PDZRN4: variants seen among roughly 807,000 people sequenced by gnomAD.
PDZRN4 encodes the protein PDZ domain containing ring finger 4, also known as PDZ domain-containing RING finger protein 4.
PDZRN4 carries 70 observed loss-of-function variants against 99.0 expected under a neutral mutation model. The observed-to-expected ratio is 0.71, with a 90% confidence interval of 0.58 to 0.86. The LOEUF (loss-of-function observed/expected upper bound fraction) is 0.86. PDZRN4 is among the 40% of genes least tolerant of loss of function. PDZRN4 has a pLI of 0.00. For missense variants in PDZRN4, 1,474 were observed against 1,331.2 expected (o/e 1.11, Z -1.67); for synonymous variants, 551 against 501.6 (o/e 1.10, Z -1.32).
chr12:41,406,706 C>T (rs11829887), intron 3 of PDZRN4, among the ~76,000 whole-genome samples: 98 of 151,796 alleles, frequency 6.5e-4, no homozygotes, highest in African/African-American at 2.3e-3. Flanking sequence ...CCAGCCAGAC[C>T]AACATAGCAA....
intron 3 of PDZRN4, among the ~76,000 whole-genome samples, chr12:41,227,044 C>T (rs976763878): frequency 1.3e-5 from 2 of 152,010 alleles, no homozygotes; most frequent in Non-Finnish European, 2.9e-5. Context: ...TTTTCCCTAT[C>T]CAAATTGGTA....
At chr12:41,194,601 T>C (rs936705610) in intron 3 of PDZRN4, among the ~76,000 whole-genome samples, 4 of 152,216 alleles carry the variant, frequency 2.6e-5, no homozygotes, top group African/African-American at 9.6e-5. Context: ...GAGCTGTGTG[T>C]AGGCCACTGC....
intron 5 of PDZRN4, among the ~76,000 whole-genome samples, chr12:41,525,431 G>C (rs1592097111): frequency 6.6e-6 from 1 of 152,086 alleles, no homozygotes; most frequent in East Asian, 1.9e-4. Context: ...TACTTCATAG[G>C]ATTATATGAG....
chr12:41,371,577 C>G (rs527512602), intron 3 of PDZRN4, among the ~76,000 whole-genome samples: 1 of 152,178 alleles, frequency 6.6e-6, no homozygotes, highest in East Asian at 1.9e-4. Flanking sequence ...AAAAACTAAA[C>G]AACAACAAAT....
chr12:41,452,676 AT>A (rs1219656388), intron 3 of PDZRN4, among the ~76,000 whole-genome samples: 22 of 152,246 alleles, frequency 1.4e-4, no homozygotes, highest in South Asian at 2.1e-4. Context: ...AATACATTTA[AT>A]TTTTTTAATT....
Position 41,191,196 on chromosome 12 carries a change from C to T in PDZRN4, c.649-262C>T, listed in dbSNP as rs534692155. ...TACTGCATTAGGATAAAAGAGCTTC[C>T]TGTCTCAAAATGCAAAGCCATTTAG... On this transcript the variant is annotated intron_variant, in intron 1 of 9. Transcript: ENST00000402685. 2.0e-5 allele frequency among the ~76,000 whole-genome samples: 3 copies of T among 152,254 alleles called. No homozygotes were observed. In the South Asian group the frequency reaches 6.2e-4, roughly 32 times the overall value.
At chr12:41,521,988 C>G (rs1008686488) in intron 5 of PDZRN4, among the ~76,000 whole-genome samples, 6 of 152,088 alleles carry the variant, frequency 3.9e-5, no homozygotes, top group Non-Finnish European at 5.9e-5. Flanking sequence ...TTATGAGTAA[C>G]TAGAGGATCC....
At position 41,567,872 on chromosome 12, in the gene PDZRN4, G is replaced by A. The variant is rs776787774; in HGVS notation, c.1557G>A (p.Met519Ile). The A allele has an allele frequency of 1.9e-6, 3 of 1,610,990 alleles. No individual in the cohort carries two copies. In the South Asian group the frequency reaches 3.3e-5, roughly 18 times the overall value. The change falls in exon 9 of 10, where the codon ATG (methionine) becomes ATA (isoleucine). Residue 519 changes from methionine (M) to isoleucine (I), a missense_variant. Coordinates refer to ENST00000402685, the MANE Select transcript of PDZRN4 (RefSeq NM_001164595.2). Reference protein sequence around the residue: ...EMLEEEHNEAMQPTANEVEQP... With the variant: ...EMLEEEHNEAIQPTANEVEQP... ...TGGAAGAAGAGCATAATGAAGCAAT[G>A]CAGCCCACTGCCAATGAGGTGGAGC...
At chr12:41,284,526 C>CA (rs139351862) in intron 3 of PDZRN4, among the ~76,000 whole-genome samples, 2 of 152,012 alleles carry the variant, frequency 1.3e-5, no homozygotes, top group Non-Finnish European at 2.9e-5. Flanking sequence ...CAAATGGAAC[C>CA]AAAAAAAGAG....
Position 41,191,503 on chromosome 12 carries a change from G to A in PDZRN4, c.694G>A (p.Asp232Asn). The change falls in exon 2 of 10, where the codon GAC becomes AAC. Residue 232 changes from aspartate to asparagine, a missense_variant. Asp to Asn is a conservative substitution (Grantham distance 23). Transcript: ENST00000402685. ...CACTATTGTGTTAGAAAGAGAAAAT[G>A]ACACTTTGGGATTCAATATTATAGG... ...PFTIVLEREN[D>N]TLGFNIIGGR... The A allele has an allele frequency of 6.3e-7, 1 of 1,577,236 alleles. No homozygotes were observed. Among genetic ancestry groups the A allele is most frequent in the Non-Finnish European group, 8.6e-7 (1 of 1,160,290 alleles).
At chr12:41,316,162 T>A (rs571677806) in intron 3 of PDZRN4, among the ~76,000 whole-genome samples, 1 of 152,292 alleles carries the variant, frequency 6.6e-6, no homozygotes, top group Non-Finnish European at 1.5e-5. Context: ...TGTCTCTTTC[T>A]CCTGATATTC....
intron 3 of PDZRN4, among the ~76,000 whole-genome samples, chr12:41,215,995 A>G (rs1950918967): frequency 6.6e-6 from 1 of 151,874 alleles, no homozygotes; most frequent in South Asian, 2.1e-4. Flanking sequence ...CTAGTTAAGG[A>G]CCTTAAAATA....
At chr12:41,472,723 C>T (rs927841628) in intron 3 of PDZRN4, among the ~76,000 whole-genome samples, 2 of 152,078 alleles carry the variant, frequency 1.3e-5, no homozygotes, top group Admixed American at 1.3e-4. Flanking sequence ...GTGGTTTTCT[C>T]GATAAACATA....
chr12:41,312,624 C>T (rs1175495120), intron 3 of PDZRN4, among the ~76,000 whole-genome samples: 1 of 152,146 alleles, frequency 6.6e-6, no homozygotes, highest in African/African-American at 2.4e-5. Flanking sequence ...AACATAGCAG[C>T]AAGCAAGAGA....
chr12:41,397,096 G>GA, intron 3 of PDZRN4, among the ~76,000 whole-genome samples: 1 of 152,160 alleles, frequency 6.6e-6, no homozygotes, highest in East Asian at 1.9e-4. Context: ...TAGTTTGGTG[G>GA]ATATATTCTA....
At chr12:41,231,117 C>T (rs1255048150) in intron 3 of PDZRN4, among the ~76,000 whole-genome samples, 1 of 151,960 alleles carries the variant, frequency 6.6e-6, no homozygotes, top group African/African-American at 2.4e-5. Context: ...ACTCACATTG[C>T]CTCCTATAGT....
intron 3 of PDZRN4, among the ~76,000 whole-genome samples, chr12:41,426,456 A>C (rs1952537488): frequency 1.3e-5 from 2 of 152,214 alleles, no homozygotes; most frequent in Non-Finnish European, 2.9e-5. Context: ...TGCAGGACCA[A>C]AGATGCTATG....
chr12:41,217,060 T>C (rs1950925890), intron 3 of PDZRN4, among the ~76,000 whole-genome samples: 1 of 152,084 alleles, frequency 6.6e-6, no homozygotes, highest in African/African-American at 2.4e-5. Flanking sequence ...TCCTTTCATA[T>C]CCCTTTCTTG....
rs1409525962 is a variant in PDZRN4, at chr12:41,189,216, A to T, written c.648+113A>T. 3.1e-6 allele frequency: 3 copies of T among 954,618 alleles called. No individual in the cohort carries two copies. In the Admixed American group the frequency reaches 6.4e-5, roughly 20 times the overall value. 59.1% of individuals were successfully genotyped at this position (954,618 alleles called of 1,614,324 possible). On this transcript the variant is annotated intron_variant, in intron 1 of 9. Coordinates refer to ENST00000402685, the MANE Select transcript of PDZRN4 (RefSeq NM_001164595.2). The stretch of plus-strand genomic sequence containing the variant: ...AATTGGGCATCCTTCCTCACTATGC[A>T]GCAGGAAACATCCACACCCTGATCA...
Sources: allele counts gnomAD v4.1 joint callset (sites outside exome capture counted in the v4.1 genomes callset), GRCh38; gene constraint gnomAD v4.1.1; transcripts MANE v1.5; gene names NCBI Gene and HGNC (gene_info 2026-07-23, HGNC 2026-07-21).